PTPN2: variants seen among roughly 807,000 people sequenced by gnomAD.
The protein encoded by PTPN2 is tyrosine-protein phosphatase non-receptor type 2.
Under a neutral mutation model 57.3 loss-of-function variants are expected in PTPN2, and 19 were observed. That is an observed-to-expected ratio of 0.33 (90% CI 0.23 to 0.49). The LOEUF (loss-of-function observed/expected upper bound fraction) is 0.49. Among genes scored for constraint, PTPN2 ranks in the 20% least tolerant of loss-of-function variants. PTPN2 has a pLI of 0.99. For synonymous variants in PTPN2, 153 were observed against 164.9 expected, an observed-to-expected ratio of 0.93 and a Z score of 0.55; for missense variants, 358 against 501.1, an observed-to-expected ratio of 0.71 and a Z score of 2.73.
At chr18:12,852,410 T>C (rs905978815) in intron 2 of PTPN2, among the ~76,000 whole-genome samples, 2 of 152,224 alleles carry the variant, frequency 1.3e-5, no homozygotes, top group East Asian at 3.8e-4. Flanking sequence ...GCTACTCTCT[T>C]TTCAAACAAC....
chr18:12,835,382 C>CTTTTTTTTTTTTTTTTT lies in PTPN2; in HGVS notation c.261+1408_261+1409insAAAAAAAAAAAAAAAAA, dbSNP rs60239177. On this transcript the variant is annotated intron_variant, in intron 3 of 8. Coordinates refer to ENST00000309660, the MANE Select transcript of PTPN2 (RefSeq NM_002828.4). ...CTGCAATGAACATGATCACATATGT[C>CTTTTTTTTTTTTTTTTT]TTTTTTTTTTTTTTGGACAGTTTTG... is the stretch of plus-strand genomic sequence containing the variant. Among the ~76,000 whole-genome samples, 90 of 99,008 alleles carry CTTTTTTTTTTTTTTTTT rather than the reference C, an allele frequency of 9.1e-4. 8 individuals carry two copies. Among genetic ancestry groups the CTTTTTTTTTTTTTTTTT allele is most frequent in the African/African-American group, 2.9e-3 (70 of 23,900 alleles). 65.0% of individuals were successfully genotyped at this position (99,008 alleles called of 152,430 possible).
At chr18:12,876,748 T>C (rs2044504356) in intron 1 of PTPN2, among the ~76,000 whole-genome samples, 1 of 152,128 alleles carries the variant, frequency 6.6e-6, no homozygotes, top group Non-Finnish European at 1.5e-5. Context: ...AGAAACGAAA[T>C]ACCTGGGAAC....
Position 12,816,292 on chromosome 18 carries a change from T to G in PTPN2, c.705+864A>C, listed in dbSNP as rs945960410. Among the ~76,000 whole-genome samples, 4 of 152,136 alleles carry G rather than the reference T, an allele frequency of 2.6e-5. No individual in the cohort carries two copies. The East Asian group carries it at 7.7e-4, about 29-fold the overall frequency. ...TCCAGCCTGGGTGACAGGGCAAGAC[T>G]CTGTCTAAACAAAGACAAAAACAAA... On this transcript the variant is annotated intron_variant, in intron 6 of 8. Coordinates refer to ENST00000309660, the MANE Select transcript of PTPN2 (RefSeq NM_002828.4).
At chr18:12,860,080 G>C (rs2145477882) in intron 1 of PTPN2, among the ~76,000 whole-genome samples, 1 of 151,932 alleles carries the variant, frequency 6.6e-6, no homozygotes, top group Non-Finnish European at 1.5e-5. Context: ...CTGAGGTCAG[G>C]AGTTTGAGAC....
intron 1 of PTPN2, among the ~76,000 whole-genome samples, chr18:12,871,130 A>C (rs2044257429): frequency 6.6e-6 from 1 of 152,214 alleles, no homozygotes; most frequent in Non-Finnish European, 1.5e-5. Context: ...AGTATATATT[A>C]AAAGTACTTC....
chr18:12,825,378 T>C (rs1324528920), intron 5 of PTPN2, among the ~76,000 whole-genome samples: 3 of 152,124 alleles, frequency 2.0e-5, no homozygotes, highest in Admixed American at 6.6e-5. Context: ...GTGCTCTGCA[T>C]ACACATCCTC....
Position 12,843,449 on chromosome 18 carries a change from T to C in PTPN2, c.161-6558A>G, listed in dbSNP as rs2043111503. 3.3e-5 allele frequency among the ~76,000 whole-genome samples: 5 copies of C among 152,276 alleles called. No individual in the cohort carries two copies. In the South Asian group the frequency reaches 1.0e-3, roughly 32 times the overall value. On this transcript the variant is annotated intron_variant, in intron 2 of 8. Coordinates refer to ENST00000309660, the MANE Select transcript of PTPN2 (RefSeq NM_002828.4). Reference sequence around the variant, plus strand: ...TTTTAATCTAGAAACAACCACACCCTCACCCCAATCCCGAGTACAGCTGAC... The same window carrying C: ...TTTTAATCTAGAAACAACCACACCCCCACCCCAATCCCGAGTACAGCTGAC...
intron 3 of PTPN2, among the ~76,000 whole-genome samples, chr18:12,834,394 A>C (rs2042778916): frequency 1.3e-5 from 2 of 152,228 alleles, no homozygotes; most frequent in Admixed American, 1.3e-4. Flanking sequence ...TATAAAATAA[A>C]GGTAATACTA....
chr18:12,821,940 G>C (rs1301896348), intron 5 of PTPN2, among the ~76,000 whole-genome samples: 1 of 152,152 alleles, frequency 6.6e-6, no homozygotes, highest in East Asian at 1.9e-4. Flanking sequence ...GTAATGGCGG[G>C]GGGGTACCAA....
chr18:12,807,572 A>G (rs1318931279), intron 7 of PTPN2, among the ~76,000 whole-genome samples: 1,490 of 44,188 alleles, frequency 0.034, 54 homozygotes, highest in African/African-American at 0.085. Context: ...AATGTGGAAA[A>G]AAAAAAAAAA....
At chr18:12,825,776 T>A in intron 5 of PTPN2, 34 bp downstream of exon 5, 1 of 1,572,682 alleles carries the variant, frequency 6.4e-7, no homozygotes, top group South Asian at 1.2e-5. Context: ...AACCATCATA[T>A]AAAGTCCACA....
intron 6 of PTPN2, among the ~76,000 whole-genome samples, chr18:12,815,085 A>AAAATAAATAAAT (rs199758431): frequency 2.9e-5 from 4 of 137,124 alleles, no homozygotes; most frequent in East Asian, 2.2e-4. Context: ...CTCCATCTCA[A>AAAATAAATAAAT]AAATAAATAA....
At chr18:12,818,836 ATAATCCCAGCAC>A (rs1331297621) in intron 5 of PTPN2, 2 of 152,838 alleles carry the variant, frequency 1.3e-5, no homozygotes, top group Non-Finnish European at 2.9e-5. Context: ...GCTCACACCT[ATAATCCCAGCAC>A]TTTGGGAGGC....
intron 1 of PTPN2, among the ~76,000 whole-genome samples, chr18:12,865,059 C>T (rs1384784076): frequency 6.6e-6 from 1 of 152,148 alleles, no homozygotes; most frequent in Non-Finnish European, 1.5e-5. Context: ...TTCATTGCAA[C>T]AAGCCTTTCA....
intron 6 of PTPN2, among the ~76,000 whole-genome samples, chr18:12,816,428 T>C (rs1475428830): frequency 6.6e-6 from 1 of 152,170 alleles, no homozygotes; most frequent in African/African-American, 2.4e-5. Flanking sequence ...AAGGAGTAGA[T>C]GGCATGGAAA....
intron 4 of PTPN2, among the ~76,000 whole-genome samples, chr18:12,827,748 G>A (rs909576985): frequency 1.3e-5 from 2 of 151,862 alleles, no homozygotes; most frequent in African/African-American, 4.8e-5. Context: ...TAAAGAGAAC[G>A]TGACAAATAA....
At chr18:12,828,808 G>T (rs896186571) in intron 4 of PTPN2, among the ~76,000 whole-genome samples, 4 of 152,142 alleles carry the variant, frequency 2.6e-5, no homozygotes, top group African/African-American at 9.7e-5. Flanking sequence ...CCCATTAAAA[G>T]AAACCAAAAC....
At chr18:12,883,758 G>A (rs1194253475) in intron 1 of PTPN2, 4 of 255,036 alleles carry the variant, frequency 1.6e-5, no homozygotes, top group Admixed American at 5.5e-5. Flanking sequence ...CCCCAGACCC[G>A]GGCCGCGCAA....
At chr18:12,819,166 A>G in intron 5 of PTPN2, 1 of 857,960 alleles carries the variant, frequency 1.2e-6, no homozygotes, top group Non-Finnish European at 1.7e-6. Flanking sequence ...TATATAAGGT[A>G]TAATACTAAT....
Sources: allele counts gnomAD v4.1 joint callset (sites outside exome capture counted in the v4.1 genomes callset), GRCh38; gene constraint gnomAD v4.1.1; transcripts MANE v1.5; gene names NCBI Gene and HGNC (gene_info 2026-07-23, HGNC 2026-07-21).